The following UBE3C variants were observed in gnomAD, a reference collection of about 807,000 sequenced individuals.
UBE3C encodes ubiquitin-protein ligase E3C.
In UBE3C, 42 loss-of-function variants were observed where a neutral mutation model predicts 129.4. That is an observed-to-expected ratio of 0.32 (90% CI 0.25 to 0.42). UBE3C has a LOEUF of 0.42. Ranked by LOEUF, UBE3C falls within the 10% of genes least tolerant of loss-of-function variation. UBE3C has a pLI of 1.00. For synonymous variants in UBE3C, 510 were observed against 492.4 expected (o/e 1.04, Z -0.47); for missense variants, 1,049 against 1,319.1 (o/e 0.80, Z 3.17).
At chr7:157,204,890 T>C (rs1809389932) in intron 11 of UBE3C, among the ~76,000 whole-genome samples, 1 of 152,206 alleles carries the variant, frequency 6.6e-6, no homozygotes, top group South Asian at 2.1e-4. Flanking sequence ...TTAAAAGCTC[T>C]TTGCAAGGGT....
chr7:157,173,412 C>T (rs928175631), intron 4 of UBE3C, among the ~76,000 whole-genome samples: 1 of 152,182 alleles, frequency 6.6e-6, no homozygotes, highest in Admixed American at 6.5e-5. Context: ...TTAATCTTAA[C>T]GTAGGGGAAA....
At chr7:157,169,905 A>G (rs1254528362) in intron 3 of UBE3C, among the ~76,000 whole-genome samples, 1 of 152,064 alleles carries the variant, frequency 6.6e-6, no homozygotes, top group African/African-American at 2.4e-5. Context: ...GCTGATCTCG[A>G]ACTCCCGACC....
intron 1 of UBE3C, among the ~76,000 whole-genome samples, chr7:157,151,519 T>A (rs1807756448): frequency 6.6e-6 from 1 of 152,166 alleles, no homozygotes; most frequent in Admixed American, 6.5e-5. Flanking sequence ...TGTGCCCTCC[T>A]GATCATGTGC....
At chr7:157,159,333 A>AC (rs1808003168) in intron 1 of UBE3C, among the ~76,000 whole-genome samples, 1 of 152,032 alleles carries the variant, frequency 6.6e-6, no homozygotes, top group African/African-American at 2.4e-5. Flanking sequence ...TTAAAAAAAA[A>AC]AAACAGAATT....
intron 2 of UBE3C, among the ~76,000 whole-genome samples, chr7:157,167,828 G>A (rs1484852090): frequency 6.6e-6 from 1 of 152,096 alleles, no homozygotes; most frequent in East Asian, 1.9e-4. Flanking sequence ...GAGCCACCAT[G>A]CCTGGCCTAA....
At chr7:157,242,969 C>T (rs931389108) in intron 18 of UBE3C, among the ~76,000 whole-genome samples, 2 of 151,942 alleles carry the variant, frequency 1.3e-5, no homozygotes, top group Non-Finnish European at 2.9e-5. Context: ...GTAGGAAAAT[C>T]GCTTGAAACC....
intron 4 of UBE3C, among the ~76,000 whole-genome samples, chr7:157,171,713 T>A (rs1182617054): frequency 0.042 from 3,172 of 76,114 alleles, 179 homozygotes; most frequent in Non-Finnish European, 0.057. Context: ...TTTTTTTTTT[T>A]TTTTTTTTTT....
intron 11 of UBE3C, among the ~76,000 whole-genome samples, chr7:157,202,428 C>T (rs1048341578): frequency 5.9e-5 from 9 of 152,170 alleles, no homozygotes; most frequent in African/African-American, 2.2e-4. Context: ...AGGCCGAGGC[C>T]AGCGGATCAC....
chr7:157,200,105 C>T (rs891536320), intron 10 of UBE3C, among the ~76,000 whole-genome samples: 1 of 152,170 alleles, frequency 6.6e-6, no homozygotes, highest in African/African-American at 2.4e-5. Flanking sequence ...ACTGCCCCTT[C>T]ATTTTCTTAT....
At chr7:157,154,303 T>C (rs1586647066) in intron 1 of UBE3C, among the ~76,000 whole-genome samples, 1 of 152,040 alleles carries the variant, frequency 6.6e-6, no homozygotes, top group Admixed American at 6.6e-5. Context: ...CTGGTGACAG[T>C]TCGAGATTCT....
intron 17 of UBE3C, among the ~76,000 whole-genome samples, chr7:157,229,539 A>T (rs1790231603): frequency 6.6e-6 from 1 of 151,752 alleles, no homozygotes; most frequent in South Asian, 2.1e-4. Flanking sequence ...CTGGTCTCAA[A>T]CTCCTGCCCT....
At chr7:157,261,647 C>G (rs987620054) in intron 22 of UBE3C, among the ~76,000 whole-genome samples, 1 of 152,170 alleles carries the variant, frequency 6.6e-6, no homozygotes, top group Admixed American at 6.5e-5. Context: ...GAATGTCTTT[C>G]AGTTGAAGTA....
intron 2 of UBE3C, 116 bp downstream of exon 2, chr7:157,163,979 GTGTGTGTA>G: frequency 2.3e-6 from 2 of 881,580 alleles, no homozygotes; most frequent in Non-Finnish European, 3.4e-6. Flanking sequence ...ATGACAGAAT[GTGTGTGTA>G]TGTGTGTTTA....
chr7:157,207,259 C>A, intron 11 of UBE3C, 139 bp from the exon 12 acceptor site: 1 of 1,203,402 alleles, frequency 8.3e-7, no homozygotes, highest in Non-Finnish European at 1.1e-6. Context: ...GTGACTTTAC[C>A]TTGCCTTTAA....
chr7:157,219,417 G>A (rs112378758), intron 14 of UBE3C, among the ~76,000 whole-genome samples: 1 of 152,120 alleles, frequency 6.6e-6, no homozygotes, highest in Non-Finnish European at 1.5e-5. Context: ...CTCAGTGATC[G>A]AGCATCCCAC....
intron 13 of UBE3C, among the ~76,000 whole-genome samples, chr7:157,209,766 A>G (rs570313736): frequency 1.8e-4 from 28 of 152,386 alleles, no homozygotes; most frequent in African/African-American, 6.5e-4. Flanking sequence ...AATGCCATAT[A>G]AGATATTTTC....
chr7:157,236,411 T>TA lies in UBE3C; in HGVS notation c.2481+5084_2481+5085insA, dbSNP rs1158384236. Among the ~76,000 whole-genome samples, 1,178 of 152,336 alleles carry TA rather than the reference T, an allele frequency of 7.7e-3. 9 individuals are homozygous for TA. Among genetic ancestry groups the TA allele is most frequent in the Middle Eastern group, 0.017 (5 of 294 alleles). On this transcript the variant is annotated intron_variant, in intron 18 of 22. Coordinates refer to ENST00000348165, the MANE Select transcript of UBE3C (RefSeq NM_014671.3). Reference sequence around the variant, plus strand: ...TGCCTATAAATCAGATTATTTGATATGATCTTGGTTATATATTTGAAAATT... The same window carrying TA: ...TGCCTATAAATCAGATTATTTGATATAGATCTTGGTTATATATTTGAAAATT...
chr7:157,165,484 G>A (rs534572776), intron 2 of UBE3C, among the ~76,000 whole-genome samples: 45 of 148,828 alleles, frequency 3.0e-4, no homozygotes, highest in African/African-American at 7.9e-4. Flanking sequence ...TGCAACCTCC[G>A]CCTTCCAGGT....
chr7:157,227,179 A>G (rs1031287805), intron 17 of UBE3C, among the ~76,000 whole-genome samples: 2 of 152,138 alleles, frequency 1.3e-5, no homozygotes, highest in African/African-American at 4.8e-5. Context: ...GAGTTTGCCA[A>G]TGATCGTGTA....
Sources: allele counts gnomAD v4.1 joint callset (sites outside exome capture counted in the v4.1 genomes callset), GRCh38; gene constraint gnomAD v4.1.1; transcripts MANE v1.5; gene names NCBI Gene and HGNC (gene_info 2026-07-23, HGNC 2026-07-21).